The following FBXL2 variants were observed in gnomAD, a reference collection of about 807,000 sequenced individuals.
FBXL2 encodes the protein F-box/LRR-repeat protein 2.
A neutral mutation model predicts 69.2 loss-of-function variants in FBXL2; 38 were observed. The observed-to-expected ratio is 0.55, with a 90% CI of 0.42 to 0.72. The LOEUF (loss-of-function observed/expected upper bound fraction) is 0.72, where lower values mean the gene tolerates loss of function less well. Ranked by LOEUF, FBXL2 falls within the 30% of genes least tolerant of loss-of-function variation. The pLI is 0.00. For synonymous variants in FBXL2, 192 were observed against 201.3 expected (o/e 0.95, Z 0.39); for missense variants, 354 against 520.3 (o/e 0.68, Z 3.11).
chr3:33,307,630 T>A (rs935783526), intron 2 of FBXL2, among the ~76,000 whole-genome samples: 1 of 152,050 alleles, frequency 6.6e-6, no homozygotes, highest in South Asian at 2.1e-4. Context: ...TATTTGAGAA[T>A]TTAAGGGTAA....
chr3:33,359,085 C>T (rs1195471363), intron 3 of FBXL2, 64 bp downstream of exon 3: 1 of 1,145,472 alleles, frequency 8.7e-7, no homozygotes, highest in Non-Finnish European at 1.2e-6. Flanking sequence ...AGTTTTAGTT[C>T]AAATTACTGA....
the FBXL2 span, among the ~76,000 whole-genome samples, chr3:33,415,356 C>A: frequency 6.6e-6 from 1 of 152,148 alleles, no homozygotes; most frequent in African/African-American, 2.4e-5. Flanking sequence ...CCTCAGAACA[C>A]TGAATGGTCA....
chr3:33,369,773 C>T (rs1370299400), intron 5 of FBXL2, among the ~76,000 whole-genome samples: 9 of 152,092 alleles, frequency 5.9e-5, no homozygotes, highest in Middle Eastern at 3.4e-3. Context: ...CCACCCCGCC[C>T]GGCTAATTTT....
At chr3:33,330,266 G>A (rs1243056859) in intron 2 of FBXL2, among the ~76,000 whole-genome samples, 2 of 149,708 alleles carry the variant, frequency 1.3e-5, no homozygotes, top group African/African-American at 2.5e-5. Context: ...ACTGGGTGAT[G>A]GAGCAAGACA....
chr3:33,321,396 A>G (rs2038204291), intron 2 of FBXL2, among the ~76,000 whole-genome samples: 1 of 152,226 alleles, frequency 6.6e-6, no homozygotes, highest in African/African-American at 2.4e-5. Flanking sequence ...GAGAGGAAGC[A>G]TAAATGGTGG....
At chr3:33,416,243 T>A in the FBXL2 span, 1 of 152,424 alleles carries the variant, frequency 6.6e-6, no homozygotes, top group Non-Finnish European at 1.5e-5. Flanking sequence ...CCATGATGTA[T>A]GATGGATACA....
chr3:33,385,100 T>G (rs1035707051), intron 14 of FBXL2, among the ~76,000 whole-genome samples: 4 of 152,190 alleles, frequency 2.6e-5, no homozygotes, highest in African/African-American at 9.6e-5. Flanking sequence ...AGAACTCTCT[T>G]GGCTAATTTC....
chr3:33,277,601 C>T (rs922052218), intron 1 of FBXL2, 86 bp downstream of exon 1: 2 of 1,211,896 alleles, frequency 1.7e-6, no homozygotes, highest in East Asian at 3.2e-5. Context: ...TAGGGTCGGG[C>T]AGGCGGCGCA....
chr3:33,393,396 C>T (rs200981129), intron 12 of FBXL2: 1 of 1,613,126 alleles, frequency 6.2e-7, no homozygotes, highest in South Asian at 1.1e-5. Context: ...TAAACACCAG[C>T]GCAAGTTTTC....
chr3:33,325,285 C>A (rs1461008717), intron 2 of FBXL2, among the ~76,000 whole-genome samples: 1 of 152,182 alleles, frequency 6.6e-6, no homozygotes, highest in Non-Finnish European at 1.5e-5. Context: ...CCCTTTATTT[C>A]TTTCTCTTGC....
At chr3:33,393,160 G>A (rs935910064) in intron 12 of FBXL2, 31 of 874,334 alleles carry the variant, frequency 3.5e-5, no homozygotes, top group Non-Finnish European at 6.5e-6. Context: ...GAAACTCTTG[G>A]TTATAAGTTC....
At chr3:33,351,589 T>C (rs1283856508) in intron 2 of FBXL2, among the ~76,000 whole-genome samples, 1 of 152,148 alleles carries the variant, frequency 6.6e-6, no homozygotes, top group Non-Finnish European at 1.5e-5. Flanking sequence ...TGCTAAAATG[T>C]TAACTTTTTT....
intron 2 of FBXL2, among the ~76,000 whole-genome samples, chr3:33,318,328 A>C (rs915399293): frequency 2.6e-5 from 4 of 152,176 alleles, no homozygotes; most frequent in African/African-American, 9.6e-5. Flanking sequence ...TGACTTTTCT[A>C]ACAATCTGAG....
chr3:33,377,186 A>G, intron 10 of FBXL2, 87 bp from the exon 11 acceptor site: 7 of 1,291,362 alleles, frequency 5.4e-6, no homozygotes, highest in Non-Finnish European at 7.9e-6. Flanking sequence ...AAAGAGCAGA[A>G]AAGACTCAAG....
At chr3:33,299,964 C>T (rs2036119333) in intron 2 of FBXL2, among the ~76,000 whole-genome samples, 1 of 152,162 alleles carries the variant, frequency 6.6e-6, no homozygotes, top group Non-Finnish European at 1.5e-5. Flanking sequence ...ATGCCATCCA[C>T]ATTGACTACA....
chr3:33,395,038 A>T (rs1481525520), intron 12 of FBXL2, among the ~76,000 whole-genome samples: 1 of 152,166 alleles, frequency 6.6e-6, no homozygotes, highest in East Asian at 1.9e-4. Flanking sequence ...CTCCACAAAC[A>T]CTCATGTTTG....
At chr3:33,310,588 A>G (rs1255833603) in intron 2 of FBXL2, among the ~76,000 whole-genome samples, 1 of 152,036 alleles carries the variant, frequency 6.6e-6, no homozygotes, top group Non-Finnish European at 1.5e-5. Context: ...TTATCTTATT[A>G]ACATATATTT....
chr3:33,310,531 C>T (rs928072005), intron 2 of FBXL2, among the ~76,000 whole-genome samples: 6 of 152,050 alleles, frequency 3.9e-5, no homozygotes, highest in Non-Finnish European at 8.8e-5. Flanking sequence ...TTAGAGTATT[C>T]CGAATTTTAC....
rs1349158826 is a variant in FBXL2 at position 33,359,349 on chromosome 3, G to A, written c.187G>A (p.Asp63Asn). 3 of 1,610,568 alleles carry A rather than the reference G, an allele frequency of 1.9e-6. No individual in the cohort carries two copies. The highest frequency in any genetic ancestry group is 2.5e-6 in the Non-Finnish European group (3 of 1,177,638). ...QRIDLFNFQT[D>N]VEGRVVENIS... ...AATAGATCTTTTTAACTTTCAAACA[G>A]ATGTAGAGGTAAGTTAGCTTTGGTT... is the stretch of plus-strand genomic sequence containing the variant. Residue 63 changes from aspartate to asparagine, a missense_variant, in exon 4 of 15, where the codon GAT becomes AAT. By Grantham distance (23) the Asp-to-Asn change is conservative (BLOSUM62 1). Coordinates refer to ENST00000484457, the MANE Select transcript of FBXL2 (RefSeq NM_012157.5).
Sources: allele counts gnomAD v4.1 joint callset (sites outside exome capture counted in the v4.1 genomes callset), GRCh38; gene constraint gnomAD v4.1.1; transcripts MANE v1.5; gene names NCBI Gene and HGNC (gene_info 2026-07-23, HGNC 2026-07-21).